The following HNRNPD variants were observed in gnomAD, a reference collection of about 807,000 sequenced individuals.
HNRNPD encodes the protein heterogeneous nuclear ribonucleoprotein D0.
In HNRNPD, 3 loss-of-function variants were observed where a neutral mutation model predicts 47.9. The ratio of observed to expected loss-of-function variants is 0.06; its 90% CI spans 0.03 to 0.16. The LOEUF (loss-of-function observed/expected upper bound fraction) is 0.16, where lower values mean the gene tolerates loss of function less well. Ranked by LOEUF, HNRNPD falls within the 10% of genes least tolerant of loss-of-function variation. HNRNPD has a pLI of 1.00. For synonymous variants in HNRNPD, 171 were observed against 165.1 expected, an observed-to-expected ratio of 1.04 and a Z score of -0.28; for missense variants, 287 against 454.2, an observed-to-expected ratio of 0.63 and a Z score of 3.35.
chr4:82,373,299 A>G, intron 1 of HNRNPD, 147 bp downstream of exon 1: 2 of 1,093,514 alleles, frequency 1.8e-6, no homozygotes, highest in Non-Finnish European at 2.6e-6. Context: ...CGGGGAACCC[A>G]ACATAGAAAA....
chr4:82,365,903 C>A (rs1008154952), intron 2 of HNRNPD, among the ~76,000 whole-genome samples: 3 of 151,310 alleles, frequency 2.0e-5, no homozygotes, highest in Non-Finnish European at 4.4e-5. Context: ...AGCCACCGCA[C>A]CCAGCCCACT....
Position 82,356,603 on chromosome 4 carries a change from A to G in HNRNPD, c.934T>C (p.Tyr312His), listed in dbSNP as rs764235441. The change falls in exon 7 of 9, where the codon TAC becomes CAC. Residue 312 changes from tyrosine (Y) to histidine (H), a missense_variant. Tyr to His is a moderately conservative substitution (Grantham distance 83). Around this residue, in one of 5 missense-constraint regions of HNRNPD, gnomAD observed 65 missense variants for 107.1 expected, o/e 0.61. Coordinates refer to ENST00000313899, the MANE Select transcript of HNRNPD (RefSeq NM_031370.3). ...TAGTCATATCCTCCATAACCACCGT[A>G]ACCTTGGCTGTTATATCCATAGTTG... is the stretch of plus-strand genomic sequence containing the variant. ...YGNYGYNSQGYGGYGGYDYTG... is the reference protein window; with the variant it reads ...YGNYGYNSQGHGGYGGYDYTG... 1.2e-6 allele frequency: 2 copies of G among 1,611,728 alleles called. No homozygotes were observed. The highest frequency in any genetic ancestry group is 1.7e-6 in the Non-Finnish European group (2 of 1,179,396).
intron 2 of HNRNPD, among the ~76,000 whole-genome samples, chr4:82,364,058 C>A (rs77219029): frequency 0.02 from 3,000 of 152,244 alleles, 86 homozygotes; most frequent in African/African-American, 0.069. Flanking sequence ...CTCATTGCAG[C>A]CTTGACCTCC....
intron 7 of HNRNPD, chr4:82,355,976 CTAG>C: frequency 6.5e-6 from 1 of 153,518 alleles, no homozygotes; most frequent in Middle Eastern, 3.4e-3. Context: ...AAGATTGCTT[CTAG>C]TAGAACCCTT....
At position 82,352,515 on chromosome 4, in the gene HNRNPD, TTTA is replaced by T. The variant is rs1203920929; in HGVS notation, c.*1667_*1669del. 1 of 152,232 alleles carries T rather than the reference TTTA, an allele frequency of 6.6e-6. No individual in the cohort carries two copies. Among genetic ancestry groups the T allele is most frequent in the South Asian group, 2.1e-4 (1 of 4,826 alleles). The allele number at this position is 152,232 out of a possible 1,614,324, so 9.4% of individuals were successfully genotyped here. A position where few individuals can be genotyped will look rare whatever the true frequency, so the allele number is the denominator to read the frequency against. On this transcript the variant is annotated 3_prime_UTR_variant, in exon 9 of 9. Transcript: ENST00000313899. Reference sequence around the variant, plus strand: ...AGACCCTGTCTCTTAAAAATAATTTTTTATTGAGAGATTTACATAAAATAAGCA... The same window carrying T: ...AGACCCTGTCTCTTAAAAATAATTTTTTGAGAGATTTACATAAAATAAGCA...
intron 2 of HNRNPD, among the ~76,000 whole-genome samples, chr4:82,367,515 T>C (rs1420372988): frequency 6.6e-6 from 1 of 152,192 alleles, no homozygotes; most frequent in Non-Finnish European, 1.5e-5. Context: ...TCCATGACAT[T>C]GTCTGTTGGT....
chr4:82,358,956 T>A, intron 3 of HNRNPD, 136 bp from the exon 4 acceptor site: 1 of 669,526 alleles, frequency 1.5e-6, no homozygotes, highest in Non-Finnish European at 2.5e-6. Flanking sequence ...AACTGTCAAG[T>A]CATGGTGGTG....
rs969825843 is a variant in HNRNPD, at chr4:82,364,643, T to C, written c.291-5004A>G. Among the ~76,000 whole-genome samples, 4 of 152,214 alleles carry C rather than the reference T, an allele frequency of 2.6e-5. No individual in the cohort carries two copies. The South Asian group carries it at 8.3e-4, about 31-fold the overall frequency. ...CAACTTGAAATAACCCAGAAATTTT[T>C]AAATAGTCCATGTAAAAAAATATAT... On this transcript the variant is annotated intron_variant, in intron 2 of 8. Coordinates refer to ENST00000313899, the MANE Select transcript of HNRNPD (RefSeq NM_031370.3).
chr4:82,368,231 T>G lies in HNRNPD; in HGVS notation c.290+3297A>C, dbSNP rs570866101. On this transcript the variant is annotated intron_variant, in intron 2 of 8. Transcript: ENST00000313899. Reference sequence around the variant, plus strand: ...GCTAAAACTAATCACATCCTTCACGTTGGCATAAATAGTATACTCAATATG... The same window carrying G: ...GCTAAAACTAATCACATCCTTCACGGTGGCATAAATAGTATACTCAATATG... Among the ~76,000 whole-genome samples, 361 of 152,300 alleles carry G rather than the reference T, an allele frequency of 2.4e-3. 3 individuals carry two copies. Among genetic ancestry groups the G allele is most frequent in the African/African-American group, 8.6e-3 (357 of 41,556 alleles).
chr4:82,365,664 G>A (rs1290061474), intron 2 of HNRNPD, among the ~76,000 whole-genome samples: 4 of 152,000 alleles, frequency 2.6e-5, no homozygotes, highest in Non-Finnish European at 5.9e-5. Flanking sequence ...TGGTGCAATG[G>A]TGTGATCCTG....
rs1723723326 is a variant in HNRNPD at position 82,356,633 on chromosome 4, A to G, written c.904T>C (p.Tyr302His). ...QGYSNYWNQG[Y>H]GNYGYNSQGY... ...TGGCTGTTATATCCATAGTTGCCAT[A>G]GCCTTGATTCCAATAGTTACTATAT... The change falls in exon 7 of 9, where the codon TAT becomes CAT. Residue 302 changes from tyrosine to histidine, a missense_variant. Physicochemically the swap from Tyr to His is moderately conservative, Grantham distance 83 (BLOSUM62 2). This residue lies in a region of HNRNPD where 65 missense variants were observed against 107.1 expected (regional missense o/e 0.61). Transcript: ENST00000313899. 1 of 1,612,506 alleles carries G rather than the reference A, an allele frequency of 6.2e-7. No homozygotes were observed. The highest frequency in any genetic ancestry group is 1.3e-5 in the African/African-American group (1 of 74,904).
Position 82,371,589 on chromosome 4 carries a change from G to A in HNRNPD, c.234-5C>T. 6.2e-7 allele frequency: 1 copy of A among 1,612,038 alleles called. No individual in the cohort carries two copies. The highest frequency in any genetic ancestry group is 2.2e-5 in the East Asian group (1 of 44,848). On this transcript the variant is annotated splice_polypyrimidine_tract_variant and splice_region_variant and intron_variant, in intron 1 of 8. Transcript: ENST00000313899. ...CGTGGGGAGGAGTTTGAATGGCTAG[G>A]GAATTAACAACCGGTACAGCAACCA...
chr4:82,357,960 C>T (rs899618733), intron 4 of HNRNPD: 12 of 152,298 alleles, frequency 7.9e-5, no homozygotes, highest in African/African-American at 2.7e-4. Context: ...TGGGCAATAT[C>T]TCAAATCCTC....
chr4:82,363,123 C>G (rs1280524257), intron 2 of HNRNPD, among the ~76,000 whole-genome samples: 1 of 151,764 alleles, frequency 6.6e-6, no homozygotes, highest in Non-Finnish European at 1.5e-5. Context: ...GTCGCCCGGG[C>G]TGGAGTGCAA....
Position 82,356,699 on chromosome 4 carries a change from A to C in HNRNPD, c.854-16T>G. The C allele has an allele frequency of 6.2e-7, 1 of 1,613,672 alleles. No individual in the cohort carries two copies. ...TGACTGGGGCCTGCAGCACATTAATAGGTTCACTAAAGTCAGAAGATCAGC... is the reference window on the plus strand; with the variant it reads ...TGACTGGGGCCTGCAGCACATTAATCGGTTCACTAAAGTCAGAAGATCAGC... On this transcript the variant is annotated splice_polypyrimidine_tract_variant and intron_variant, in intron 6 of 8. Transcript: ENST00000313899.
rs757426789 is a variant in HNRNPD, at chr4:82,359,460, T to A, written c.459+11A>T. ...TATATTATTAACTGATCAGAACACGTAACACACTACCTTATCTACACTCTC... is the reference window on the plus strand; with the variant it reads ...TATATTATTAACTGATCAGAACACGAAACACACTACCTTATCTACACTCTC... On this transcript the variant is annotated intron_variant, in intron 3 of 8. Transcript: ENST00000313899. 1.3e-5 allele frequency: 20 copies of A among 1,514,136 alleles called. No homozygotes were observed. Among genetic ancestry groups the A allele is most frequent in the Non-Finnish European group, 1.8e-5 (20 of 1,115,322 alleles). The allele number at this position is 1,514,136 out of a possible 1,614,324, so 93.8% of individuals were successfully genotyped here. A position where few individuals can be genotyped will look rare whatever the true frequency, so the allele number is the denominator to read the frequency against.
intron 5 of HNRNPD, 79 bp downstream of exon 5, chr4:82,357,234 G>T: frequency 7.0e-7 from 1 of 1,437,728 alleles, no homozygotes; most frequent in Non-Finnish European, 9.3e-7. Context: ...AAGAACTTAA[G>T]CCTTTACAGA....
intron 8 of HNRNPD, 22 bp downstream of exon 8, chr4:82,355,277 CAAAAA>C: frequency 8.1e-7 from 1 of 1,236,050 alleles, no homozygotes; most frequent in Non-Finnish European, 1.2e-6. Flanking sequence ...TTGTAAATGA[CAAAAA>C]AAAACTATTT....
At chr4:82,372,409 A>G (rs867984011) in intron 1 of HNRNPD, among the ~76,000 whole-genome samples, 27 of 152,336 alleles carry the variant, frequency 1.8e-4, no homozygotes, top group South Asian at 8.3e-4. Context: ...AGAAAAAAAA[A>G]GTATCCCATA....
Sources: gnomAD v4.1 joint callset for allele counts (sites outside exome capture counted in the v4.1 genomes callset) on GRCh38, gnomAD v4.1.1 for gene constraint, gnomAD v4.1.1 regional missense constraint, MANE v1.5 for transcripts, NCBI Gene and HGNC (gene_info 2026-07-23, HGNC 2026-07-21) for gene names.